KALRN: variants seen among roughly 807,000 people sequenced by gnomAD.
The protein encoded by KALRN is kalirin.
KALRN carries 70 observed loss-of-function variants against 353.7 expected under a neutral mutation model. The ratio of observed to expected loss-of-function variants is 0.20; its 90% CI spans 0.16 to 0.24. The LOEUF is 0.24. KALRN is among the 10% of genes least tolerant of loss of function. The probability of loss-of-function intolerance (pLI) is 1.00; values close to 1 mark genes in which losing one functional copy is unlikely to be tolerated. For missense variants in KALRN, 2,791 were observed against 3,756.7 expected, an observed-to-expected ratio of 0.74 and a Z score of 6.72; for synonymous variants, 1,391 against 1,434.8, an observed-to-expected ratio of 0.97 and a Z score of 0.69.
intron 1 of KALRN, among the ~76,000 whole-genome samples, chr3:124,204,068 G>A (rs2076193846): frequency 6.6e-6 from 1 of 152,188 alleles, no homozygotes; most frequent in Non-Finnish European, 1.5e-5. Flanking sequence ...GTATACTGAA[G>A]GGCCACTGTA....
intron 51 of KALRN, among the ~76,000 whole-genome samples, chr3:124,689,098 T>C (rs963164739): frequency 3.9e-5 from 6 of 152,240 alleles, no homozygotes; most frequent in African/African-American, 1.4e-4. Flanking sequence ...AGCCCTGTCC[T>C]CCCGGACTTG....
At chr3:124,308,503 G>A (rs1009285120) in intron 6 of KALRN, among the ~76,000 whole-genome samples, 3 of 151,590 alleles carry the variant, frequency 2.0e-5, no homozygotes, top group Non-Finnish European at 2.9e-5. Flanking sequence ...ATTAGAAATC[G>A]GTAACAGAAA....
intron 1 of KALRN, among the ~76,000 whole-genome samples, chr3:124,190,476 G>A (rs1214784683): frequency 2.6e-5 from 4 of 152,258 alleles, no homozygotes; most frequent in Non-Finnish European, 4.4e-5. Flanking sequence ...CTAGCCAGGC[G>A]TTTCATTTAT....
chr3:124,232,863 C>T (rs1433269179), intron 2 of KALRN, among the ~76,000 whole-genome samples: 1 of 151,650 alleles, frequency 6.6e-6, no homozygotes, highest in African/African-American at 2.4e-5. Context: ...AACCAAGTTT[C>T]TCAGGAGTGT....
At position 124,298,744 on chromosome 3, in the gene KALRN, C is replaced by T. The variant is rs369784287; in HGVS notation, c.970-47C>T. 5.1e-5 allele frequency: 82 copies of T among 1,610,996 alleles called. No individual in the cohort carries two copies. The African/African-American group carries it at 6.1e-4, about 12-fold the overall frequency. On this transcript the variant is annotated intron_variant, in intron 5 of 59. Coordinates refer to ENST00000682506, the MANE Select transcript of KALRN (RefSeq NM_001388419.1). ...CTAGCTCTGAAAGTTTTGCCCTATT[C>T]GACCCATGACCATTCTGATTATGCT...
Position 124,643,887 on chromosome 3 carries a change from T to C in KALRN, c.5664+6584T>C, listed in dbSNP as rs115798913. ...GAAGCAAATTAACATATCTATCATG[T>C]CACACAGTTACTTTTTTGAGTATGT... On this transcript the variant is annotated intron_variant, in intron 37 of 59. Transcript: ENST00000682506. Among the ~76,000 whole-genome samples, 1,474 of 152,344 alleles carry C rather than the reference T, an allele frequency of 9.7e-3. 26 individuals carry two copies. Among genetic ancestry groups the C allele is most frequent in the African/African-American group, 0.034 (1,403 of 41,570 alleles).
rs746705171 is a variant in KALRN at position 124,700,051 on chromosome 3, C to A, written c.7996+18C>A. 1.2e-6 allele frequency: 2 copies of A among 1,612,694 alleles called. No homozygotes were observed. The highest frequency in any genetic ancestry group is 2.2e-5 in the South Asian group (2 of 90,974). ...AGAATATGGTGAGTCCCAGCCCAGC[C>A]CTGGCCCCCCAGGCAGTGGGATTGA... On this transcript the variant is annotated intron_variant, in intron 56 of 59. Transcript: ENST00000682506.
intron 28 of KALRN, among the ~76,000 whole-genome samples, chr3:124,487,844 C>G (rs994946530): frequency 2.0e-5 from 3 of 152,118 alleles, no homozygotes; most frequent in Non-Finnish European, 4.4e-5. Context: ...TCTTTATTCT[C>G]TTTATTGGAT....
chr3:124,657,070 T>A (rs2084142102), intron 39 of KALRN, among the ~76,000 whole-genome samples: 1 of 152,230 alleles, frequency 6.6e-6, no homozygotes, highest in African/African-American at 2.4e-5. Flanking sequence ...TGAAATTCTC[T>A]ATGATCACAT....
At chr3:124,479,716 ATTTTT>A (rs142639039) in intron 27 of KALRN, among the ~76,000 whole-genome samples, 14 of 86,788 alleles carry the variant, frequency 1.6e-4, no homozygotes, top group African/African-American at 4.2e-4. Context: ...ACGATCCAGA[ATTTTT>A]TTTTTTTTTT....
intron 34 of KALRN, among the ~76,000 whole-genome samples, chr3:124,575,830 G>C (rs1018073161): frequency 6.6e-6 from 1 of 152,172 alleles, no homozygotes; most frequent in Admixed American, 6.5e-5. Flanking sequence ...GTCCTCACCA[G>C]AATGATCCAG....
intron 33 of KALRN, among the ~76,000 whole-genome samples, chr3:124,549,693 T>C (rs1444206981): frequency 6.6e-6 from 1 of 152,088 alleles, no homozygotes; most frequent in Non-Finnish European, 1.5e-5. Context: ...TGAACAAAAT[T>C]AGTCCCAGGA....
intron 34 of KALRN, chr3:124,584,666 C>T (rs1039600982): frequency 5.7e-6 from 8 of 1,415,572 alleles, no homozygotes; most frequent in Admixed American, 6.1e-5. Flanking sequence ...GCAGTGGCTC[C>T]CAGTAAGTCA....
chr3:124,664,358 T>C (rs978901107), intron 45 of KALRN, among the ~76,000 whole-genome samples: 31 of 123,184 alleles, frequency 2.5e-4, no homozygotes, highest in Non-Finnish European at 3.5e-4. Flanking sequence ...TGTGTGTGTG[T>C]GTGTGTGTGT....
At chr3:124,125,004 C>T (rs1391204319) in intron 1 of KALRN, among the ~76,000 whole-genome samples, 1 of 152,134 alleles carries the variant, frequency 6.6e-6, no homozygotes, top group East Asian at 1.9e-4. Flanking sequence ...TTGCGTTTAA[C>T]GTTGTAGGGA....
chr3:124,515,858 A>C (rs2066484557), intron 33 of KALRN, among the ~76,000 whole-genome samples: 1 of 152,204 alleles, frequency 6.6e-6, no homozygotes, highest in Non-Finnish European at 1.5e-5. Context: ...ATTGATGTTT[A>C]GTTTAACCAC....
intron 1 of KALRN, among the ~76,000 whole-genome samples, chr3:124,039,317 C>G (rs536689965): frequency 6.6e-6 from 1 of 152,342 alleles, no homozygotes; most frequent in South Asian, 2.1e-4. Flanking sequence ...CTTTGAATTA[C>G]TCACTGTCTG....
intron 1 of KALRN, among the ~76,000 whole-genome samples, chr3:124,047,668 TA>T (rs67011815): frequency 0.16 from 22,415 of 142,354 alleles, 2,222 homozygotes; most frequent in East Asian, 0.48. Context: ...AATTTTTTTT[TA>T]TTTTTTTTTA....
chr3:124,424,260 A>G (rs1468658645), intron 15 of KALRN, among the ~76,000 whole-genome samples: 1 of 150,612 alleles, frequency 6.6e-6, no homozygotes, highest in Non-Finnish European at 1.5e-5. Context: ...TCTTTTAAAC[A>G]TTTTTTTTTC....
Sources: gnomAD v4.1 joint callset for allele counts (sites outside exome capture counted in the v4.1 genomes callset) on GRCh38, gnomAD v4.1.1 for gene constraint, MANE v1.5 for transcripts, NCBI Gene and HGNC (gene_info 2026-07-23, HGNC 2026-07-21) for gene names.